Variants in CACNA2D3 observed in about 807,000 individuals in gnomAD.
CACNA2D3 encodes calcium voltage-gated channel auxiliary subunit alpha2delta 3, also known as voltage-dependent calcium channel subunit alpha-2/delta-3.
Under a neutral mutation model 160.6 loss-of-function variants are expected in CACNA2D3, and 60 were observed. The observed-to-expected ratio is 0.37, with a 90% CI of 0.30 to 0.46. CACNA2D3 has a LOEUF of 0.46. Among genes scored for constraint, CACNA2D3 ranks in the 20% least tolerant of loss-of-function variants. The pLI is 1.00. For synonymous variants in CACNA2D3, 558 were observed against 492.9 expected (o/e 1.13, Z -1.75); for missense variants, 1,205 against 1,365.0 (o/e 0.88, Z 1.85).
At chr3:54,913,238 A>C (rs1033503569) in intron 27 of CACNA2D3, among the ~76,000 whole-genome samples, 1 of 151,942 alleles carries the variant, frequency 6.6e-6, no homozygotes, top group Non-Finnish European at 1.5e-5. Context: ...ATGTGCCACC[A>C]CATCTAATTA....
At chr3:54,625,298 T>C (rs1053833035) in intron 9 of CACNA2D3, among the ~76,000 whole-genome samples, 6 of 152,284 alleles carry the variant, frequency 3.9e-5, no homozygotes, top group Admixed American at 3.9e-4. Context: ...AAAAAAAATA[T>C]TATTTTGCTA....
intron 16 of CACNA2D3, among the ~76,000 whole-genome samples, chr3:54,841,805 C>T (rs372513515): frequency 2.6e-5 from 4 of 152,230 alleles, no homozygotes; most frequent in African/African-American, 2.4e-5. Flanking sequence ...GGGTTCACTT[C>T]ATTAGCCCAG....
intron 12 of CACNA2D3, among the ~76,000 whole-genome samples, 190 bp downstream of exon 12, chr3:54,752,867 A>AT (rs67424246): frequency 2.4e-3 from 248 of 103,274 alleles, no homozygotes; most frequent in East Asian, 7.6e-3. Context: ...TTTTTTTTTT[A>AT]TTTTTTTTTT....
chr3:54,898,861 G>A (rs1023602955), intron 26 of CACNA2D3, among the ~76,000 whole-genome samples: 3 of 152,072 alleles, frequency 2.0e-5, no homozygotes, highest in Admixed American at 6.6e-5. Flanking sequence ...CTTAGAGTCC[G>A]GGAAAATCTT....
At position 54,570,116 on chromosome 3, in the gene CACNA2D3, G is replaced by A. The variant is rs370687758; in HGVS notation, c.888+12G>A. On this transcript the variant is annotated intron_variant, in intron 8 of 37. Coordinates refer to ENST00000474759, the MANE Select transcript of CACNA2D3 (RefSeq NM_018398.3). ...TCAACATAATTGCTGTGAGTGCACC[G>A]TTTTGTGCCTTCTTTGCACTTGGGT... The A allele has an allele frequency of 1.8e-5, 29 of 1,608,884 alleles. No individual in the cohort carries two copies. Among genetic ancestry groups the A allele is most frequent in the Admixed American group, 5.0e-5 (3 of 59,800 alleles).
intron 2 of CACNA2D3, among the ~76,000 whole-genome samples, chr3:54,173,881 T>C (rs1700618986): frequency 6.6e-6 from 1 of 152,210 alleles, no homozygotes; most frequent in Admixed American, 6.5e-5. Context: ...GCGTGGTTTG[T>C]AAATCCCTGT....
At chr3:54,920,823 G>T (rs900460239) in intron 27 of CACNA2D3, among the ~76,000 whole-genome samples, 1 of 152,156 alleles carries the variant, frequency 6.6e-6, no homozygotes, top group Non-Finnish European at 1.5e-5. Flanking sequence ...TGACTAGGGT[G>T]GTTTACCCAA....
intron 35 of CACNA2D3, among the ~76,000 whole-genome samples, chr3:55,042,980 AT>A (rs1474504391): frequency 1.1e-4 from 16 of 152,180 alleles, no homozygotes; most frequent in Admixed American, 1.0e-3. Flanking sequence ...GTATAAATGT[AT>A]CATATTTTGT....
chr3:54,156,930 A>C (rs953486096), intron 2 of CACNA2D3, among the ~76,000 whole-genome samples: 2 of 152,206 alleles, frequency 1.3e-5, no homozygotes, highest in Admixed American at 1.3e-4. Flanking sequence ...TTAAGCTATT[A>C]GTTTTTGAAG....
intron 3 of CACNA2D3, among the ~76,000 whole-genome samples, chr3:54,349,879 C>T (rs1698523080): frequency 6.6e-6 from 1 of 152,180 alleles, no homozygotes; most frequent in African/African-American, 2.4e-5. Flanking sequence ...AGCAGTTGCT[C>T]ATCTTCTATG....
intron 32 of CACNA2D3, among the ~76,000 whole-genome samples, chr3:55,006,215 G>T (rs1478001729): frequency 3.9e-5 from 6 of 152,134 alleles, no homozygotes; most frequent in Non-Finnish European, 7.4e-5. Context: ...ATGATAATGT[G>T]CATTTAAATT....
At chr3:54,769,260 C>T (rs1397307535) in intron 13 of CACNA2D3, among the ~76,000 whole-genome samples, 1 of 152,044 alleles carries the variant, frequency 6.6e-6, no homozygotes, top group East Asian at 1.9e-4. Flanking sequence ...TGTCCTGACA[C>T]ATCCAGGACA....
At chr3:54,197,406 C>T (rs1231406776) in intron 2 of CACNA2D3, 1 of 152,252 alleles carries the variant, frequency 6.6e-6, no homozygotes, top group Non-Finnish European at 1.5e-5. Context: ...TGACAGCCTA[C>T]TTCAAGTCCT....
At chr3:54,594,983 G>A (rs1345429204) in intron 9 of CACNA2D3, among the ~76,000 whole-genome samples, 1 of 152,194 alleles carries the variant, frequency 6.6e-6, no homozygotes, top group African/African-American at 2.4e-5. Flanking sequence ...TGAGCAGGTA[G>A]AGTTACCTTT....
chr3:54,935,398 A>T (rs1348909731), intron 27 of CACNA2D3, among the ~76,000 whole-genome samples: 1 of 152,298 alleles, frequency 6.6e-6, no homozygotes, highest in Non-Finnish European at 1.5e-5. Context: ...ATTAAAGGTA[A>T]TTAGTGAGCT....
intron 2 of CACNA2D3, among the ~76,000 whole-genome samples, chr3:54,129,572 A>T (rs1576945280): frequency 2.0e-5 from 3 of 152,342 alleles, no homozygotes; most frequent in East Asian, 3.9e-4. Context: ...TTATCTTTTC[A>T]CAAGAAATGG....
chr3:54,522,933 T>TTTACTTACTTACTTAC (rs61291743), intron 5 of CACNA2D3, among the ~76,000 whole-genome samples: 65 of 135,426 alleles, frequency 4.8e-4, no homozygotes, highest in Non-Finnish European at 5.9e-4. Flanking sequence ...TATTTATTTA[T>TTTACTTACTTACTTAC]TTACTTACTT....
chr3:54,679,590 T>C (rs1220767443), intron 11 of CACNA2D3, among the ~76,000 whole-genome samples: 1 of 152,160 alleles, frequency 6.6e-6, no homozygotes, highest in African/African-American at 2.4e-5. Flanking sequence ...TGACCCCTTA[T>C]CTCTGTGTCA....
At chr3:54,529,488 A>G (rs1451594525) in intron 5 of CACNA2D3, among the ~76,000 whole-genome samples, 5 of 152,184 alleles carry the variant, frequency 3.3e-5, no homozygotes, top group African/African-American at 1.2e-4. Context: ...ACCCCTGAGC[A>G]TGCTGACATC....
Sources: gnomAD v4.1 joint callset for allele counts (sites outside exome capture counted in the v4.1 genomes callset) on GRCh38, gnomAD v4.1.1 for gene constraint, MANE v1.5 for transcripts, NCBI Gene and HGNC (gene_info 2026-07-23, HGNC 2026-07-21) for gene names.